Variants in TBC1D5 observed in about 807,000 individuals in gnomAD.
The protein encoded by TBC1D5 is TBC1 domain family, member 5.
In TBC1D5, 75 loss-of-function variants were observed where a neutral mutation model predicts 100.3. That is an observed-to-expected ratio of 0.75 (90% CI 0.62 to 0.91). TBC1D5 has a LOEUF of 0.91. Ranked by LOEUF, TBC1D5 falls within the 40% of genes least tolerant of loss-of-function variation. The pLI is 0.00. For missense variants in TBC1D5, 910 were observed against 942.4 expected, an observed-to-expected ratio of 0.97 and a Z score of 0.45; for synonymous variants, 323 against 325.6, an observed-to-expected ratio of 0.99 and a Z score of 0.09.
At chr3:17,409,289 A>T (rs1228983833) in intron 4 of TBC1D5, among the ~76,000 whole-genome samples, 1 of 152,152 alleles carries the variant, frequency 6.6e-6, no homozygotes. Flanking sequence ...TTACTATTGT[A>T]ACTGTTATGA....
chr3:17,399,981 G>A (rs950803424), intron 8 of TBC1D5, among the ~76,000 whole-genome samples: 1 of 151,876 alleles, frequency 6.6e-6, no homozygotes, highest in African/African-American at 2.4e-5. Context: ...CCATCCCACT[G>A]GCTACTCTCC....
intron 8 of TBC1D5, among the ~76,000 whole-genome samples, chr3:17,387,457 C>T (rs1419499196): frequency 1.3e-5 from 2 of 151,946 alleles, no homozygotes; most frequent in African/African-American, 4.8e-5. Flanking sequence ...TATACCTAGA[C>T]AATAACATAG....
At chr3:17,373,662 C>T (rs556211750) in intron 12 of TBC1D5, among the ~76,000 whole-genome samples, 2 of 152,124 alleles carry the variant, frequency 1.3e-5, no homozygotes, top group South Asian at 4.1e-4. Flanking sequence ...CTATATAATG[C>T]AATATTTTTC....
chr3:17,742,358 C>G (rs2077546538), upstream of TBC1D5: 2 of 153,556 alleles, frequency 1.3e-5, no homozygotes, highest in Admixed American at 6.5e-5. Flanking sequence ...GGGGCGAAAC[C>G]TGTCCTGAGG....
At chr3:17,229,072 G>C (rs956400441) in intron 17 of TBC1D5, among the ~76,000 whole-genome samples, 1 of 152,144 alleles carries the variant, frequency 6.6e-6, no homozygotes, top group Non-Finnish European at 1.5e-5. Flanking sequence ...GTACACCTGA[G>C]GTCATCTGAG....
At chr3:17,401,500 G>C (rs928545272) in intron 8 of TBC1D5, among the ~76,000 whole-genome samples, 1 of 152,056 alleles carries the variant, frequency 6.6e-6, no homozygotes, top group Non-Finnish European at 1.5e-5. Flanking sequence ...AAGCAGAAAT[G>C]TTCGAACTAC....
intron 2 of TBC1D5, among the ~76,000 whole-genome samples, chr3:17,537,287 C>T (rs189215688): frequency 1.3e-5 from 2 of 152,262 alleles, no homozygotes; most frequent in Admixed American, 1.3e-4. Flanking sequence ...GTGGCTTAAC[C>T]ACTGCTTAGC....
chr3:17,321,449 T>C (rs2150941319), intron 13 of TBC1D5, among the ~76,000 whole-genome samples: 1 of 152,356 alleles, frequency 6.6e-6, no homozygotes, highest in Admixed American at 6.5e-5. Flanking sequence ...GTCATTTATG[T>C]TTTGCTATTA....
chr3:17,432,560 A>G (rs1052803813), intron 3 of TBC1D5, among the ~76,000 whole-genome samples: 5 of 152,200 alleles, frequency 3.3e-5, no homozygotes, highest in African/African-American at 9.7e-5. Context: ...ACAGAAAAAA[A>G]TGTGTCAATT....
At chr3:17,382,617 G>C (rs1229989307) in intron 9 of TBC1D5, among the ~76,000 whole-genome samples, 1 of 150,332 alleles carries the variant, frequency 6.7e-6, no homozygotes, top group Non-Finnish European at 1.5e-5. Flanking sequence ...CTAGAGTGCA[G>C]TGAATCAATC....
At chr3:17,399,958 A>G (rs1029531658) in intron 8 of TBC1D5, among the ~76,000 whole-genome samples, 19 of 152,060 alleles carry the variant, frequency 1.2e-4, no homozygotes, top group African/African-American at 4.6e-4. Context: ...TCCAATCACT[A>G]TTCCTAAAGT....
Position 17,626,497 on chromosome 3 carries a change from A to G in TBC1D5, c.-100-2584T>C, listed in dbSNP as rs148498324. On this transcript the variant is annotated intron_variant, in intron 1 of 21. Coordinates refer to ENST00000253692, the Ensembl canonical transcript of TBC1D5. ...CTTAACACTTAAAATCCAGTCAGCA[A>G]CATAGGACTTAGACCCAAGTGAAAA... Among the ~76,000 whole-genome samples the G allele has an allele frequency of 4.2e-3, 640 of 152,340 alleles. 3 individuals are homozygous for G. The highest frequency in any genetic ancestry group is 0.015 in the African/African-American group (604 of 41,584).
intron 16 of TBC1D5, among the ~76,000 whole-genome samples, chr3:17,238,919 T>C (rs1258471457): frequency 6.6e-6 from 1 of 152,160 alleles, no homozygotes; most frequent in Non-Finnish European, 1.5e-5. Flanking sequence ...TTTAATATGA[T>C]TTTGAAAATA....
chr3:17,694,282 T>C (rs1449796832), intron 1 of TBC1D5, among the ~76,000 whole-genome samples: 10 of 152,106 alleles, frequency 6.6e-5, no homozygotes, highest in South Asian at 4.1e-4. Flanking sequence ...AGAAGGTCAG[T>C]AATAACAAAC....
At chr3:17,300,640 T>C (rs1258918250) in intron 14 of TBC1D5, among the ~76,000 whole-genome samples, 3 of 152,180 alleles carry the variant, frequency 2.0e-5, no homozygotes, top group Non-Finnish European at 2.9e-5. Flanking sequence ...TAGTAGAGTA[T>C]TGTAACATGC....
intron 21 of TBC1D5, 136 bp from the exon 23 acceptor site, chr3:17,161,392 G>A: frequency 1.0e-6 from 1 of 985,302 alleles, no homozygotes; most frequent in Non-Finnish European, 1.5e-6. Context: ...GAAAGACGCA[G>A]TGTTTGGCCT....
chr3:17,289,806 G>A (rs1270677534), intron 15 of TBC1D5, among the ~76,000 whole-genome samples: 4 of 152,174 alleles, frequency 2.6e-5, no homozygotes, highest in Admixed American at 2.6e-4. Flanking sequence ...TTTGACCCAA[G>A]GTCCCAATTC....
intron 18 of TBC1D5, among the ~76,000 whole-genome samples, chr3:17,212,629 G>T (rs2073117596): frequency 6.6e-6 from 1 of 151,986 alleles, no homozygotes. Flanking sequence ...GACCCTCCAG[G>T]GGGACAAAAC....
At chr3:17,598,131 G>C (rs2060697570) in intron 2 of TBC1D5, among the ~76,000 whole-genome samples, 1 of 151,804 alleles carries the variant, frequency 6.6e-6, no homozygotes, top group Admixed American at 6.6e-5. Context: ...TGTCTGAGAA[G>C]TGAGAAAATT....
Sources: gnomAD v4.1 joint callset for allele counts (sites outside exome capture counted in the v4.1 genomes callset) on GRCh38, gnomAD v4.1.1 for gene constraint, MANE v1.5 for transcripts, NCBI Gene and HGNC (gene_info 2026-07-23, HGNC 2026-07-21) for gene names.